PPM1B: variants seen among roughly 807,000 people sequenced by gnomAD.
The protein encoded by PPM1B is protein phosphatase 1B.
In PPM1B, 22 loss-of-function variants were observed where a neutral mutation model predicts 43.0. The observed-to-expected ratio is 0.51, with a 90% CI of 0.37 to 0.73. The LOEUF (loss-of-function observed/expected upper bound fraction) is 0.73, where lower values mean the gene tolerates loss of function less well. Among genes scored for constraint, PPM1B ranks in the 30% least tolerant of loss-of-function variants. The pLI, the probability that PPM1B is intolerant of heterozygous loss-of-function variation, is 0.00. For missense variants in PPM1B, 632 were observed against 584.2 expected (o/e 1.08, Z -0.84); for synonymous variants, 217 against 197.9 (o/e 1.10, Z -0.81).
intron 1 of PPM1B, among the ~76,000 whole-genome samples, chr2:44,171,565 C>T (rs1038590431): frequency 6.6e-6 from 1 of 152,094 alleles, no homozygotes; most frequent in African/African-American, 2.4e-5. Context: ...TGCGGTGGCT[C>T]ATGCCTGTAA....
chr2:44,211,398 C>T (rs1361381040), intron 3 of PPM1B, among the ~76,000 whole-genome samples: 1 of 151,990 alleles, frequency 6.6e-6, no homozygotes, highest in East Asian at 1.9e-4. Context: ...CTGATGTTTC[C>T]TCTTGATAAG....
chr2:44,225,976 CT>C (rs36013751), intron 5 of PPM1B, among the ~76,000 whole-genome samples: 31,154 of 132,462 alleles, frequency 0.24, 3,769 homozygotes, highest in African/African-American at 0.37. Context: ...TTTAGTATGT[CT>C]TTTTTTTTTT....
downstream of PPM1B, chr2:44,232,394 A>T: frequency 6.3e-7 from 1 of 1,594,370 alleles, no homozygotes. Flanking sequence ...TGGGGGAAAA[A>T]ACTTTTAATC....
At chr2:44,191,432 T>C (rs1668398377) in intron 1 of PPM1B, among the ~76,000 whole-genome samples, 1 of 152,186 alleles carries the variant, frequency 6.6e-6, no homozygotes, top group Admixed American at 6.5e-5. Flanking sequence ...GCCAGGCTGG[T>C]GTCGAACTCC....
At chr2:44,232,455 T>C, downstream of PPM1B, 1 of 1,560,810 alleles carries the variant, frequency 6.4e-7, no homozygotes, top group South Asian at 1.2e-5. Context: ...TCCCAACGTT[T>C]TGTGATATGA....
At position 44,201,669 on chromosome 2, in the gene PPM1B, A is replaced by T; in HGVS notation, c.470A>T (p.Tyr157Phe). Residue 157 changes from tyrosine to phenylalanine, a missense_variant, in exon 2 of 6, where the codon TAT (tyrosine) becomes TTT (phenylalanine). Tyr to Phe is a conservative substitution (Grantham distance 22). This residue lies in a region of PPM1B where 200 missense variants were observed against 200.7 expected (regional missense o/e 1.00). Transcript: ENST00000282412. This position sits in a 1 kb window ranked among gnomAD's most constrained non-coding sequence, Gnocchi z 5.4. ...TGTGGTGATTCACGTGCTGTTCTGTATAGGAATGGACAAGTCTGCTTTTCT... is the reference window on the plus strand; with the variant it reads ...TGTGGTGATTCACGTGCTGTTCTGTTTAGGAATGGACAAGTCTGCTTTTCT... ...INCGDSRAVL[Y>F]RNGQVCFSTQ... 2 of 1,614,188 alleles carry T rather than the reference A, an allele frequency of 1.2e-6. No homozygotes were observed. The highest frequency in any genetic ancestry group is 1.7e-6 in the Non-Finnish European group (2 of 1,180,034).
Position 44,218,079 on chromosome 2 carries a change from G to A in PPM1B, c.1076+1G>A. ...CTCCTGGGGGAGGTCTTGCTGGCAA[G>A]TAAGTAGAACAAAAAGCTAATTTTG... On this transcript the variant is annotated splice_donor_variant, in intron 4 of 5. Coordinates refer to ENST00000282412, the MANE Select transcript of PPM1B (RefSeq NM_002706.6). LOFTEE classifies it high-confidence loss of function. The A allele has an allele frequency of 6.2e-7, 1 of 1,604,064 alleles. No individual in the cohort carries two copies. Among genetic ancestry groups the A allele is most frequent in the Non-Finnish European group, 8.5e-7 (1 of 1,172,238 alleles).
chr2:44,201,518 A>C lies in PPM1B; in HGVS notation c.319A>C (p.Arg107=). 6.2e-7 allele frequency: 1 copy of C among 1,614,234 alleles called. No individual in the cohort carries two copies. The highest frequency in any genetic ancestry group is 8.5e-7 in the Non-Finnish European group (1 of 1,180,034). Residue 107 remains arginine, a synonymous_variant, in exon 2 of 6, where the codon AGA becomes CGA. Coordinates refer to ENST00000282412, the MANE Select transcript of PPM1B (RefSeq NM_002706.6). This position sits in a 1 kb window ranked among gnomAD's most constrained non-coding sequence, Gnocchi z 5.4. The part of the protein sequence containing the change: ...LSVENVKNGI[R]TGFLKIDEYM... The stretch of plus-strand genomic sequence containing the variant: ...AGTGGAAAATGTTAAGAATGGTATC[A>C]GAACTGGATTTTTGAAAATTGATGA...
chr2:44,218,680 A>G, intron 5 of PPM1B, 143 bp downstream of exon 5: 2 of 629,370 alleles, frequency 3.2e-6, no homozygotes. Flanking sequence ...AGTGTCAGTT[A>G]AAGTTTAAGA....
At chr2:44,230,119 A>G (rs1472701924) in intron 5 of PPM1B, 1 of 1,470,604 alleles carries the variant, frequency 6.8e-7, no homozygotes, top group Non-Finnish European at 9.0e-7. Context: ...GTTTTAGGAA[A>G]TGCTTGTGTT....
At chr2:44,185,543 C>T (rs1339515149) in intron 1 of PPM1B, among the ~76,000 whole-genome samples, 1 of 152,138 alleles carries the variant, frequency 6.6e-6, no homozygotes, top group African/African-American at 2.4e-5. Context: ...GGGTAAGTTA[C>T]ACTGTTGTCC....
chr2:44,200,013 T>C (rs1289212427), intron 1 of PPM1B, among the ~76,000 whole-genome samples: 1 of 152,202 alleles, frequency 6.6e-6, no homozygotes, highest in East Asian at 1.9e-4. Context: ...CTCAAAACTT[T>C]AAATCACCAG....
intron 5 of PPM1B, among the ~76,000 whole-genome samples, chr2:44,221,063 G>T (rs1043428893): frequency 6.6e-6 from 1 of 152,110 alleles, no homozygotes; most frequent in Non-Finnish European, 1.5e-5. Context: ...GCATAAGAAT[G>T]ATAGATTCAA....
At chr2:44,232,340 T>C (rs777086981), downstream of PPM1B, 2 of 1,606,118 alleles carry the variant, frequency 1.2e-6, no homozygotes, top group Non-Finnish European at 1.7e-6. Context: ...AGAAGACCCA[T>C]GGTAGCCTTA....
Position 44,218,001 on chromosome 2 carries a change from T to G in PPM1B, c.999T>G (p.Pro333=). 6.2e-7 allele frequency: 1 copy of G among 1,607,332 alleles called. No individual in the cohort carries two copies. The highest frequency in any genetic ancestry group is 8.5e-7 in the Non-Finnish European group (1 of 1,178,062). Residue 333 remains proline (P), a synonymous_variant, in exon 4 of 6, where the codon CCT becomes CCG. Transcript: ENST00000282412. ...AGAAGTCTGGCGAGGAAGGAATGCC[T>G]GATCTTGCCCATGTCATGCGCATCT... is the stretch of plus-strand genomic sequence containing the variant. ...IMEKSGEEGM[P]DLAHVMRILS...
intron 5 of PPM1B, among the ~76,000 whole-genome samples, chr2:44,222,021 T>A (rs1670000375): frequency 6.6e-6 from 1 of 152,062 alleles, no homozygotes; most frequent in Non-Finnish European, 1.5e-5. Context: ...TAGCCAGGGA[T>A]TCTTAGTCTA....
intron 1 of PPM1B, among the ~76,000 whole-genome samples, chr2:44,174,161 A>C (rs1285120129): frequency 4.6e-5 from 7 of 152,182 alleles, no homozygotes; most frequent in Non-Finnish European, 8.8e-5. Context: ...TCTCTTGGAG[A>C]ATGTTTAAGT....
chr2:44,183,932 G>A (rs975969380), intron 1 of PPM1B, among the ~76,000 whole-genome samples: 2 of 152,118 alleles, frequency 1.3e-5, no homozygotes, highest in Non-Finnish European at 2.9e-5. Flanking sequence ...TAGAGATGGG[G>A]TTTCACCGTG....
At chr2:44,170,407 T>A (rs911804539) in intron 1 of PPM1B, among the ~76,000 whole-genome samples, 1 of 152,264 alleles carries the variant, frequency 6.6e-6, no homozygotes, top group Non-Finnish European at 1.5e-5. Context: ...CTTAGTGTTA[T>A]GTAGCTATTT....
Sources: allele counts gnomAD v4.1 joint callset (sites outside exome capture counted in the v4.1 genomes callset), GRCh38; gene constraint gnomAD v4.1.1; regional missense constraint gnomAD v4.1.1; non-coding constraint Gnocchi (gnomAD v3.1); transcripts MANE v1.5; gene names NCBI Gene and HGNC (gene_info 2026-07-23, HGNC 2026-07-21).